The following USP5 variants were observed in gnomAD, a reference collection of about 807,000 sequenced individuals.
USP5 encodes ubiquitin carboxyl-terminal hydrolase 5.
In USP5, 24 loss-of-function variants were observed where a neutral mutation model predicts 102.5. The ratio of observed to expected loss-of-function variants is 0.23; its 90% CI spans 0.17 to 0.33. The LOEUF is 0.33. Among genes scored for constraint, USP5 ranks in the 10% least tolerant of loss-of-function variants. USP5 has a pLI of 1.00. For synonymous variants in USP5, 460 were observed against 434.8 expected, an observed-to-expected ratio of 1.06 and a Z score of -0.72; for missense variants, 753 against 1,122.1, an observed-to-expected ratio of 0.67 and a Z score of 4.70.
Position 6,860,043 on chromosome 12 carries a change from C to A in USP5, c.1131-108C>A. On this transcript the variant is annotated intron_variant, in intron 9 of 19. Transcript: ENST00000229268. This position sits in a 1 kb window ranked among gnomAD's most constrained non-coding sequence, Gnocchi z 5.5. ...GGTTCCTGTAGAATCTAAGGTTTTT[C>A]ACGTTGTTGAGAGTTAGCTAGGGAG... is the stretch of plus-strand genomic sequence containing the variant. The A allele has an allele frequency of 8.3e-7, 1 of 1,208,968 alleles. No individual in the cohort carries two copies. The allele number at this position is 1,208,968 out of a possible 1,614,324, so 74.9% of individuals were successfully genotyped here. A position where few individuals can be genotyped will look rare whatever the true frequency, so the allele number is the denominator to read the frequency against.
chr12:6,864,616 G>A lies in USP5; in HGVS notation c.2245-106G>A, dbSNP rs910771827. On this transcript the variant is annotated intron_variant, in intron 17 of 19. Coordinates refer to ENST00000229268, the MANE Select transcript of USP5 (RefSeq NM_001098536.2). The surrounding 1 kb of genome is among the most constrained non-coding windows in gnomAD (Gnocchi z 4.8). ...AGGCAGGAGAAAGGCGTGAACCCGGGAGGCGGAGCTTGCAGTGAGCCGAGA... is the reference window on the plus strand; with the variant it reads ...AGGCAGGAGAAAGGCGTGAACCCGGAAGGCGGAGCTTGCAGTGAGCCGAGA... 64 of 1,293,646 alleles carry A rather than the reference G, an allele frequency of 4.9e-5. No homozygotes were observed. The highest frequency in any genetic ancestry group is 5.8e-5 in the Non-Finnish European group (54 of 938,840). 80.1% of individuals were successfully genotyped at this position (1,293,646 alleles called of 1,614,324 possible). A position where few individuals can be genotyped will look rare whatever the true frequency, so the allele number is the denominator to read the frequency against.
At position 6,856,403 on chromosome 12, in the gene USP5, T is replaced by C. The variant is rs782076351; in HGVS notation, c.537T>C (p.His179=). The change falls in exon 5 of 20, where the codon CAT becomes CAC. Residue 179 remains histidine, a synonymous_variant. Transcript: ENST00000229268. The surrounding 1 kb of genome is among the most constrained non-coding windows in gnomAD (Gnocchi z 5.6). ...WDGEVRQVSK[H]AFSLKQLDNP... The stretch of plus-strand genomic sequence containing the variant: ...GGGAAGTACGGCAGGTGTCTAAGCA[T>C]GCCTTCAGCCTCAAGCAGTTGGACA... 1 of 1,613,808 alleles carries C rather than the reference T, an allele frequency of 6.2e-7. No individual in the cohort carries two copies. Among genetic ancestry groups the C allele is most frequent in the Non-Finnish European group, 8.5e-7 (1 of 1,179,962 alleles).
Position 6,856,427 on chromosome 12 carries a change from C to T in USP5, c.561C>T (p.Asp187=). Residue 187 remains aspartate (D), a synonymous_variant, in exon 5 of 20, where the codon GAC becomes GAT. Transcript: ENST00000229268. This position sits in a 1 kb window ranked among gnomAD's most constrained non-coding sequence, Gnocchi z 5.6. ...SKHAFSLKQL[D]NPARIPPCGW... ...ATGCCTTCAGCCTCAAGCAGTTGGA[C>T]AACCCTGCTCGAATCCCTCCCTGGT... 6.2e-7 allele frequency: 1 copy of T among 1,612,554 alleles called. No individual in the cohort carries two copies. Among genetic ancestry groups the T allele is most frequent in the African/African-American group, 1.3e-5 (1 of 75,044 alleles).
rs1944075592 is a variant in USP5 at position 6,855,310 on chromosome 12, C to G, written c.112-91C>G. 35 of 1,537,646 alleles carry G rather than the reference C, an allele frequency of 2.3e-5. No homozygotes were observed. Among genetic ancestry groups the G allele is most frequent in the Non-Finnish European group, 3.1e-5 (35 of 1,132,024 alleles). ...AGAGAACAGAACATTTCTTCTGGAA[C>G]CCAGCAGTTTCTGACTCCAGGTTTT... is the stretch of plus-strand genomic sequence containing the variant. On this transcript the variant is annotated intron_variant, in intron 1 of 19. Transcript: ENST00000229268. This position sits in a 1 kb window ranked among gnomAD's most constrained non-coding sequence, Gnocchi z 4.6.
At chr12:6,859,429 C>T (rs781975000) in intron 8 of USP5, 41 bp from the exon 9 acceptor site, 4 of 1,603,038 alleles carry the variant, frequency 2.5e-6, no homozygotes, top group Non-Finnish European at 8.5e-7. Flanking sequence ...CCTCGGCGCT[C>T]AGGCCAGAGC....
rs1944261784 is a variant in USP5, at chr12:6,860,991, C to T, written c.1383C>T (p.Phe461=). The T allele has an allele frequency of 6.2e-7, 1 of 1,614,204 alleles. No homozygotes were observed. The highest frequency in any genetic ancestry group is 1.1e-5 in the South Asian group (1 of 91,078). The part of the protein sequence containing the change: ...CRSSENPNEV[F]RFLVEEKIKC... ...GCTCTGAAAATCCTAATGAAGTGTT[C>T]CGCTTCTTGGTGGAGGAAAAGATCA... The change falls in exon 12 of 20, where the codon TTC becomes TTT. Residue 461 remains phenylalanine (F), a synonymous_variant. Coordinates refer to ENST00000229268, the MANE Select transcript of USP5 (RefSeq NM_001098536.2). This position sits in a 1 kb window ranked among gnomAD's most constrained non-coding sequence, Gnocchi z 5.5.
At position 6,863,215 on chromosome 12, in the gene USP5, G is replaced by A. The variant is rs562492316; in HGVS notation, c.1792G>A (p.Asp598Asn). 3.1e-6 allele frequency: 5 copies of A among 1,613,722 alleles called. No individual in the cohort carries two copies. The highest frequency in any genetic ancestry group is 3.3e-4 in the Middle Eastern group (2 of 6,058). Residue 598 changes from aspartate to asparagine, a missense_variant, in exon 15 of 20, where the codon GAC becomes AAC. Transcript: ENST00000229268. The surrounding 1 kb of genome is among the most constrained non-coding windows in gnomAD (Gnocchi z 4.7). ...GTCCATCGAGATGCCAGAGGAGCTC[G>A]ACATCTCCCAGTTGAGGGGCACAGG... ...DVSIEMPEELDISQLRGTGLQ... is the reference protein window; with the variant it reads ...DVSIEMPEELNISQLRGTGLQ...
Position 6,856,758 on chromosome 12 carries a change from G to T in USP5, c.636G>T (p.Leu212=), listed in dbSNP as rs782674272. 8 of 1,614,106 alleles carry T rather than the reference G, an allele frequency of 5.0e-6. No individual in the cohort carries two copies. Among genetic ancestry groups the T allele is most frequent in the Non-Finnish European group, 6.8e-6 (8 of 1,180,024 alleles). The change falls in exon 6 of 20, where the codon CTG becomes CTT. Residue 212 remains leucine, a synonymous_variant. Coordinates refer to ENST00000229268, the MANE Select transcript of USP5 (RefSeq NM_001098536.2). This position sits in a 1 kb window ranked among gnomAD's most constrained non-coding sequence, Gnocchi z 5.6. ...CDMRENLWLN[L]TDGSILCGRR... ...TGAGAGAGAACCTGTGGCTCAACCTGACTGATGGCTCCATCCTCTGTGGGC... is the reference window on the plus strand; with the variant it reads ...TGAGAGAGAACCTGTGGCTCAACCTTACTGATGGCTCCATCCTCTGTGGGC...
intron 1 of USP5, among the ~76,000 whole-genome samples, chr12:6,852,576 C>T (rs1038619244): frequency 1.3e-5 from 2 of 152,260 alleles, no homozygotes; most frequent in Admixed American, 6.5e-5. Flanking sequence ...GGGCGCAGCC[C>T]GACCGTCGGA....
chr12:6,861,472 C>A lies in USP5; in HGVS notation c.1528C>A (p.Arg510=). 6.3e-7 allele frequency: 1 copy of A among 1,584,984 alleles called. No homozygotes were observed. The highest frequency in any genetic ancestry group is 8.6e-7 in the Non-Finnish European group (1 of 1,159,322). The change falls in exon 13 of 20, where the codon CGG becomes AGG. Residue 510 remains arginine (R), a synonymous_variant. Transcript: ENST00000229268. The surrounding 1 kb of genome is among the most constrained non-coding windows in gnomAD (Gnocchi z 4.9). The part of the protein sequence containing the change: ...EELLEYEEKK[R]QAEEEKMALP... ...GCTTCTGGAGTACGAGGAGAAGAAG[C>A]GGCAAGCCGAAGAGGAGAAGATGGC...
At position 6,866,114 on chromosome 12, in the gene USP5, A is replaced by G; in HGVS notation, c.*37A>G. On this transcript the variant is annotated 3_prime_UTR_variant, in exon 20 of 20. Coordinates refer to ENST00000229268, the MANE Select transcript of USP5 (RefSeq NM_001098536.2). This position sits in a 1 kb window ranked among gnomAD's most constrained non-coding sequence, Gnocchi z 4.7. ...ACCCCTTACCAATGAGGGCAGGGGA[A>G]GACCACCTGGCATGAGGGAGAGGGG... 2 of 1,576,150 alleles carry G rather than the reference A, an allele frequency of 1.3e-6. No individual in the cohort carries two copies. The highest frequency in any genetic ancestry group is 2.2e-5 in the South Asian group (2 of 90,352).
chr12:6,864,270 A>G lies in USP5; in HGVS notation c.2244+75A>G. On this transcript the variant is annotated intron_variant, in intron 17 of 19. Coordinates refer to ENST00000229268, the MANE Select transcript of USP5 (RefSeq NM_001098536.2). This position sits in a 1 kb window ranked among gnomAD's most constrained non-coding sequence, Gnocchi z 4.8. ...TGGGAATGAGGGGCCATCCTTCTTG[A>G]GCAAGACCAAAGACAACAGGTGTGG... The G allele has an allele frequency of 6.7e-7, 1 of 1,500,566 alleles. No homozygotes were observed. The allele number at this position is 1,500,566 out of a possible 1,614,324, so 93.0% of individuals were successfully genotyped here.
At chr12:6,862,986 G>C (rs1296962477) in intron 14 of USP5, among the ~76,000 whole-genome samples, 200 bp from the exon 15 acceptor site, 7 of 152,132 alleles carry the variant, frequency 4.6e-5, no homozygotes, top group Non-Finnish European at 1.0e-4. Flanking sequence ...ATTTATGGTA[G>C]ATCTAGGACC....
At chr12:6,853,373 T>A (rs1555127460) in intron 1 of USP5, among the ~76,000 whole-genome samples, 1 of 152,254 alleles carries the variant, frequency 6.6e-6, no homozygotes, top group Non-Finnish European at 1.5e-5. Flanking sequence ...GTTTGCTTGG[T>A]TTGCTAGGCT....
chr12:6,859,367 C>T, intron 8 of USP5, 103 bp from the exon 9 acceptor site: 1 of 1,198,814 alleles, frequency 8.3e-7, no homozygotes, highest in Non-Finnish European at 1.2e-6. Flanking sequence ...ACTCCCCACT[C>T]TTGAGGGGAG....
chr12:6,864,085 G>T lies in USP5; in HGVS notation c.2134G>T (p.Gly712Trp), dbSNP rs1015166163. 7 of 1,613,146 alleles carry T rather than the reference G, an allele frequency of 4.3e-6. No individual in the cohort carries two copies. The African/African-American group carries it at 8.0e-5, about 18-fold the overall frequency. ...ANPLILPGSS[G>W]PGSTSAAADP... ...CCCCCTCATCCTGCCTGGCTCTAGTGGGCCGGGCTCCACAAGCGCAGCAGC... is the reference window on the plus strand; with the variant it reads ...CCCCCTCATCCTGCCTGGCTCTAGTTGGCCGGGCTCCACAAGCGCAGCAGC... Residue 712 changes from glycine (G) to tryptophan (W), a missense_variant, in exon 17 of 20, where the codon GGG becomes TGG. Gly to Trp is a radical substitution (Grantham distance 184, BLOSUM62 -2). Transcript: ENST00000229268. This position sits in a 1 kb window ranked among gnomAD's most constrained non-coding sequence, Gnocchi z 4.8.
intron 9 of USP5, 56 bp downstream of exon 9, chr12:6,859,597 C>A: frequency 6.4e-7 from 1 of 1,563,754 alleles, no homozygotes; most frequent in Non-Finnish European, 8.8e-7. Flanking sequence ...CGTATACCTT[C>A]CTCCTCCCTG....
intron 8 of USP5, 112 bp from the exon 9 acceptor site, chr12:6,859,358 C>A: frequency 9.6e-7 from 1 of 1,043,612 alleles, no homozygotes; most frequent in South Asian, 1.4e-5. Context: ...CCCACAGCAA[C>A]TCCCCACTCT....
chr12:6,865,684 A>AGAGCCT (rs1944424814), intron 19 of USP5, among the ~76,000 whole-genome samples: 1 of 152,228 alleles, frequency 6.6e-6, no homozygotes, highest in African/African-American at 2.4e-5. Flanking sequence ...GACCAGAGAG[A>AGAGCCT]GAGCCTGCAG....
Sources: gnomAD v4.1 joint callset for allele counts (sites outside exome capture counted in the v4.1 genomes callset) on GRCh38, gnomAD v4.1.1 for gene constraint, Gnocchi (gnomAD v3.1) non-coding constraint, MANE v1.5 for transcripts, NCBI Gene and HGNC (gene_info 2026-07-23, HGNC 2026-07-21) for gene names.